ARPC1A: variants seen among roughly 807,000 people sequenced by gnomAD.
ARPC1A encodes the protein actin related protein 2/3 complex subunit 1A.
ARPC1A carries 8 observed loss-of-function variants against 46.9 expected under a neutral mutation model. That is an observed-to-expected ratio of 0.17 (90% CI 0.10 to 0.31). The LOEUF (loss-of-function observed/expected upper bound fraction) is 0.31, where lower values mean the gene tolerates loss of function less well. Among genes scored for constraint, ARPC1A ranks in the 10% least tolerant of loss-of-function variants. The probability of loss-of-function intolerance (pLI) is 1.00; values close to 1 mark genes in which losing one functional copy is unlikely to be tolerated. For missense variants in ARPC1A, 286 were observed against 483.6 expected (o/e 0.59, Z 3.83); for synonymous variants, 152 against 169.0 (o/e 0.90, Z 0.78).
intron 6 of ARPC1A, among the ~76,000 whole-genome samples, 200 bp downstream of exon 6, chr7:99,354,321 G>T (rs1254979978): frequency 4.0e-5 from 6 of 151,810 alleles, no homozygotes. Flanking sequence ...AGCAGTTCAA[G>T]ACCAGCCTGG....
chr7:99,356,247 G>T (rs1444440479), intron 6 of ARPC1A, among the ~76,000 whole-genome samples: 1 of 152,172 alleles, frequency 6.6e-6, no homozygotes, highest in Non-Finnish European at 1.5e-5. Context: ...TTTCAGACAT[G>T]ATATGTTTTT....
chr7:99,334,145 G>A (rs1055137882), intron 2 of ARPC1A, among the ~76,000 whole-genome samples: 1 of 151,442 alleles, frequency 6.6e-6, no homozygotes, highest in Non-Finnish European at 1.5e-5. Flanking sequence ...CAGATCATTT[G>A]AGGTCAGGAG....
At chr7:99,361,918 A>G (rs558019354) in intron 8 of ARPC1A, among the ~76,000 whole-genome samples, 2 of 152,354 alleles carry the variant, frequency 1.3e-5, no homozygotes, top group African/African-American at 4.8e-5. Flanking sequence ...GTCAAACTTT[A>G]TGGACACTCA....
chr7:99,365,312 G>A (rs770777686), intron 9 of ARPC1A, among the ~76,000 whole-genome samples: 3 of 152,004 alleles, frequency 2.0e-5, no homozygotes, highest in Non-Finnish European at 4.4e-5. Flanking sequence ...GCAGCCAGGC[G>A]CACTGACCCA....
chr7:99,353,405 G>A (rs775359599), intron 5 of ARPC1A, among the ~76,000 whole-genome samples: 12 of 151,800 alleles, frequency 7.9e-5, no homozygotes, highest in Non-Finnish European at 1.2e-4. Context: ...TGATCCTCCC[G>A]CCTTGGCCTC....
chr7:99,340,806 A>G (rs1005862476), intron 3 of ARPC1A, among the ~76,000 whole-genome samples: 3 of 152,196 alleles, frequency 2.0e-5, no homozygotes, highest in African/African-American at 4.8e-5. Context: ...GCAATAACTC[A>G]TGGCCACCCT....
intron 1 of ARPC1A, among the ~76,000 whole-genome samples, chr7:99,326,798 G>A (rs1169833369): frequency 2.0e-5 from 3 of 152,072 alleles, no homozygotes; most frequent in African/African-American, 7.2e-5. Flanking sequence ...ATGCATATCC[G>A]TCTTCCTTTC....
At chr7:99,331,388 C>T (rs968593684) in intron 1 of ARPC1A, among the ~76,000 whole-genome samples, 7 of 151,920 alleles carry the variant, frequency 4.6e-5, no homozygotes, top group Non-Finnish European at 8.8e-5. Context: ...AGAGCAAGAC[C>T]CTATCTCCCC....
intron 1 of ARPC1A, among the ~76,000 whole-genome samples, chr7:99,332,790 A>G (rs1338383173): frequency 7.0e-6 from 1 of 143,482 alleles, no homozygotes; most frequent in Non-Finnish European, 1.6e-5. Context: ...TTTAGTAGAG[A>G]CGGGGTTTCA....
At position 99,327,341 on chromosome 7, in the gene ARPC1A, C is replaced by A. The variant is rs1793063334; in HGVS notation, c.-30+1337C>A. Among the ~76,000 whole-genome samples, 3 of 151,868 alleles carry A rather than the reference C, an allele frequency of 2.0e-5. No individual in the cohort carries two copies. In the South Asian group the frequency reaches 6.2e-4, roughly 32 times the overall value. The stretch of plus-strand genomic sequence containing the variant: ...TTACTTATTTTTGGAGATAGAGTCT[C>A]ACTCTGTCACCCAGACTGGAGTGCA... On this transcript the variant is annotated intron_variant, in intron 1 of 9. Coordinates refer to ENST00000262942, the MANE Select transcript of ARPC1A (RefSeq NM_006409.4).
chr7:99,336,481 ATTTTTTTT>A (rs757908410), intron 2 of ARPC1A, among the ~76,000 whole-genome samples: 31 of 103,196 alleles, frequency 3.0e-4, no homozygotes, highest in Middle Eastern at 5.3e-3. Context: ...ATAGGTCTTA[ATTTTTTTT>A]TTTTTTTTTT....
intron 1 of ARPC1A, among the ~76,000 whole-genome samples, chr7:99,329,540 TTGCTAGG>T (rs761328196): frequency 5.6e-4 from 86 of 152,352 alleles, no homozygotes; most frequent in Non-Finnish European, 1.0e-3. Context: ...CAAGTGGTGT[TTGCTAGG>T]TGCATTCTAA....
intron 1 of ARPC1A, among the ~76,000 whole-genome samples, chr7:99,330,429 C>T (rs1353262787): frequency 6.6e-6 from 1 of 152,152 alleles, no homozygotes; most frequent in African/African-American, 2.4e-5. Context: ...ATTCTTGTGC[C>T]TCAGCCTCCT....
chr7:99,363,819 C>T (rs1187276134), intron 9 of ARPC1A, among the ~76,000 whole-genome samples, 186 bp downstream of exon 9: 5 of 152,052 alleles, frequency 3.3e-5, no homozygotes, highest in Non-Finnish European at 7.4e-5. Context: ...GGACAGCAGG[C>T]ATGCACCACC....
At chr7:99,348,754 G>T in intron 4 of ARPC1A, 98 bp from the exon 5 acceptor site, 1 of 726,058 alleles carries the variant, frequency 1.4e-6, no homozygotes. Flanking sequence ...TTAAGGAAAA[G>T]TGTGGCCTAC....
At chr7:99,331,410 C>CA (rs938526441) in intron 1 of ARPC1A, among the ~76,000 whole-genome samples, 1 of 151,562 alleles carries the variant, frequency 6.6e-6, no homozygotes, top group African/African-American at 2.4e-5. Flanking sequence ...GCCCCCCACC[C>CA]AAAAAAAGAA....
chr7:99,356,247 GAT>G (rs1793626968), intron 6 of ARPC1A, among the ~76,000 whole-genome samples: 1 of 152,172 alleles, frequency 6.6e-6, no homozygotes, highest in Middle Eastern at 3.2e-3. Flanking sequence ...TTTCAGACAT[GAT>G]ATGTTTTTCC....
chr7:99,343,613 A>G (rs969093742), intron 3 of ARPC1A, among the ~76,000 whole-genome samples: 1 of 152,232 alleles, frequency 6.6e-6, no homozygotes, highest in Admixed American at 6.5e-5. Flanking sequence ...TTCTTCACAG[A>G]GGTACCAGAT....
At chr7:99,365,036 G>A (rs1237793145) in intron 9 of ARPC1A, among the ~76,000 whole-genome samples, 1 of 152,282 alleles carries the variant, frequency 6.6e-6, no homozygotes, top group Admixed American at 6.5e-5. Flanking sequence ...AGACACAGGC[G>A]AGCATCCTCG....
Sources: gnomAD v4.1 joint callset for allele counts (sites outside exome capture counted in the v4.1 genomes callset) on GRCh38, gnomAD v4.1.1 for gene constraint, MANE v1.5 for transcripts, NCBI Gene and HGNC (gene_info 2026-07-23, HGNC 2026-07-21) for gene names.